Variants in CELF2 observed in about 807,000 individuals in gnomAD.
CELF2 encodes CUGBP Elav-like family member 2.
In CELF2, 8 loss-of-function variants were observed where a neutral mutation model predicts 62.6. The observed-to-expected ratio is 0.13, with a 90% CI of 0.07 to 0.23. CELF2 has a LOEUF of 0.23. CELF2 is among the 10% of genes least tolerant of loss of function. The probability of loss-of-function intolerance (pLI) is 1.00; values close to 1 mark genes in which losing one functional copy is unlikely to be tolerated. For missense variants in CELF2, 333 were observed against 671.0 expected (o/e 0.50, Z 5.56); for synonymous variants, 258 against 250.0 (o/e 1.03, Z -0.30).
At chr10:11,253,704 C>T (rs1024223215) in intron 4 of CELF2, among the ~76,000 whole-genome samples, 1 of 152,046 alleles carries the variant, frequency 6.6e-6, no homozygotes, top group Non-Finnish European at 1.5e-5. Flanking sequence ...AAAAAAGTCA[C>T]CCCGTGTATT....
the CELF2 span, among the ~76,000 whole-genome samples, chr10:10,657,635 T>C: frequency 1.3e-5 from 2 of 152,120 alleles, no homozygotes; most frequent in African/African-American, 4.8e-5. Context: ...TTATATAAAG[T>C]TTAAGTATAT....
chr10:11,115,653 T>A (rs1331357649), intron 1 of CELF2, among the ~76,000 whole-genome samples: 1 of 152,170 alleles, frequency 6.6e-6, no homozygotes, highest in African/African-American at 2.4e-5. Context: ...CTGATCCCAT[T>A]ACTCAAAGCT....
intron 1 of CELF2, among the ~76,000 whole-genome samples, chr10:10,858,270 G>A (rs1036877092): frequency 6.6e-6 from 1 of 152,160 alleles, no homozygotes; most frequent in Non-Finnish European, 1.5e-5. Context: ...AGGCCTCTCT[G>A]TGGCCTCTCA....
At chr10:10,505,621 G>T in the CELF2 span, among the ~76,000 whole-genome samples, 1 of 152,036 alleles carries the variant, frequency 6.6e-6, no homozygotes, top group Non-Finnish European at 1.5e-5. Flanking sequence ...ACCCCCCTGG[G>T]GCCCTGGAAT....
the CELF2 span, among the ~76,000 whole-genome samples, chr10:10,565,486 C>T: frequency 5.9e-5 from 9 of 152,188 alleles, no homozygotes; most frequent in African/African-American, 2.2e-4. Flanking sequence ...TGGAATCTCT[C>T]ATTATCCTTA....
chr10:10,805,458 T>A (rs942415058), intron 1 of CELF2, among the ~76,000 whole-genome samples: 1 of 152,212 alleles, frequency 6.6e-6, no homozygotes, highest in African/African-American at 2.4e-5. Flanking sequence ...TCAGTACTTT[T>A]AAAAATTTTT....
At chr10:10,853,101 C>G (rs1021236560) in intron 1 of CELF2, among the ~76,000 whole-genome samples, 2 of 152,202 alleles carry the variant, frequency 1.3e-5, no homozygotes, top group African/African-American at 4.8e-5. Context: ...GCCTCTGCCT[C>G]CCGAGTAAGT....
At chr10:11,154,520 G>T (rs1265710190) in intron 1 of CELF2, among the ~76,000 whole-genome samples, 1 of 152,228 alleles carries the variant, frequency 6.6e-6, no homozygotes, top group Non-Finnish European at 1.5e-5. Context: ...AACTCTGGAA[G>T]TCCTCTTGCA....
At chr10:10,473,868 T>C in the CELF2 span, among the ~76,000 whole-genome samples, 3 of 152,088 alleles carry the variant, frequency 2.0e-5, no homozygotes, top group Non-Finnish European at 4.4e-5. Flanking sequence ...ATCTGAGCTA[T>C]TGACTATTAA....
chr10:11,107,083 A>T (rs994235085), intron 1 of CELF2, among the ~76,000 whole-genome samples: 14 of 152,206 alleles, frequency 9.2e-5, no homozygotes, highest in African/African-American at 2.7e-4. Context: ...CATGTTTTGT[A>T]CTAAGGGAGC....
the CELF2 span, among the ~76,000 whole-genome samples, chr10:10,732,767 G>A: frequency 3.9e-4 from 60 of 152,112 alleles, no homozygotes; most frequent in Admixed American, 7.2e-4. Context: ...CAAGTGACCC[G>A]CCTGCCTTGG....
At chr10:10,551,221 T>C in the CELF2 span, among the ~76,000 whole-genome samples, 1 of 152,182 alleles carries the variant, frequency 6.6e-6, no homozygotes, top group African/African-American at 2.4e-5. Flanking sequence ...GGGTCAACTG[T>C]AGTCTTAAGA....
chr10:11,254,252 A>T (rs1413308874), intron 4 of CELF2, among the ~76,000 whole-genome samples: 2 of 152,226 alleles, frequency 1.3e-5, no homozygotes, highest in African/African-American at 4.8e-5. Context: ...TATTCCCCAT[A>T]TTGCCTTTAA....
chr10:11,053,612 CTTTTT>C lies in CELF2; in HGVS notation c.74+35465_74+35469del, dbSNP rs35886208. Among the ~76,000 whole-genome samples, 3 of 122,416 alleles carry C rather than the reference CTTTTT, an allele frequency of 2.5e-5. No individual in the cohort carries two copies. In the South Asian group the frequency reaches 8.1e-4, roughly 33 times the overall value. 80.3% of individuals were successfully genotyped at this position (122,416 alleles called of 152,430 possible). A position where few individuals can be genotyped will look rare whatever the true frequency, so the allele number is the denominator to read the frequency against. On this transcript the variant is annotated intron_variant, in intron 1 of 12. Transcript: ENST00000633077. ...CATTCGTAGGCATACTCTGATATTT[CTTTTT>C]TTTTTTTTTTTTTTTGAGACAGAGT...
chr10:11,169,553 C>T (rs1004934571), intron 2 of CELF2, among the ~76,000 whole-genome samples: 3 of 87,128 alleles, frequency 3.4e-5, no homozygotes, highest in Non-Finnish European at 6.7e-5. Flanking sequence ...ATGGGAAATA[C>T]GTGACATGAA....
intron 2 of CELF2, among the ~76,000 whole-genome samples, chr10:11,182,609 A>G (rs1252319924): frequency 6.6e-6 from 1 of 152,214 alleles, no homozygotes; most frequent in Non-Finnish European, 1.5e-5. Context: ...GTCAAGGATA[A>G]CAAAGAGGTA....
At chr10:11,124,665 C>A (rs1311740622) in intron 1 of CELF2, among the ~76,000 whole-genome samples, 1 of 152,158 alleles carries the variant, frequency 6.6e-6, no homozygotes, top group Admixed American at 6.5e-5. Context: ...GAGTACCTAC[C>A]ATGTGCCAGG....
At chr10:10,472,622 C>G in the CELF2 span, among the ~76,000 whole-genome samples, 1 of 151,744 alleles carries the variant, frequency 6.6e-6, no homozygotes, top group Non-Finnish European at 1.5e-5. Context: ...CTCTGCATGT[C>G]TAGTAATTTT....
the CELF2 span, among the ~76,000 whole-genome samples, chr10:10,571,688 A>C: frequency 1.3e-5 from 2 of 152,306 alleles, no homozygotes; most frequent in African/African-American, 4.8e-5. Context: ...GATCAAGGAA[A>C]GATTGCTATC....
Sources: gnomAD v4.1 joint callset for allele counts (sites outside exome capture counted in the v4.1 genomes callset) on GRCh38, gnomAD v4.1.1 for gene constraint, MANE v1.5 for transcripts, NCBI Gene and HGNC (gene_info 2026-07-23, HGNC 2026-07-21) for gene names.